Variants in NEK2 observed in about 807,000 individuals in gnomAD.
NEK2 encodes the protein NIMA related kinase 2.
In NEK2, 28 loss-of-function variants were observed where a neutral mutation model predicts 54.1. That is an observed-to-expected ratio of 0.52 (90% CI 0.38 to 0.71). NEK2 has a LOEUF of 0.71. Ranked by LOEUF, NEK2 falls within the 30% of genes least tolerant of loss-of-function variation. NEK2 has a pLI of 0.00. For missense variants in NEK2, 407 were observed against 531.5 expected (o/e 0.77, Z 2.30); for synonymous variants, 176 against 193.1 (o/e 0.91, Z 0.73).
intron 7 of NEK2, among the ~76,000 whole-genome samples, chr1:211,664,198 T>G (rs1473161349): frequency 6.6e-6 from 1 of 151,924 alleles, no homozygotes. Context: ...AAAAGGTAAA[T>G]CAAGTAAGAG....
chr1:211,660,584 G>A (rs1373292), downstream of NEK2: 90,691 of 635,852 alleles, frequency 0.14, 6,928 homozygotes, highest in African/African-American at 0.16. Flanking sequence ...GCATTGGTGT[G>A]TGCCTTCTCA....
intron 3 of NEK2, 104 bp from the exon 4 acceptor site, chr1:211,671,388 C>T (rs1427458638): frequency 1.3e-6 from 1 of 773,192 alleles, no homozygotes. Context: ...AACAGAACCT[C>T]AAAGTTTTTA....
intron 7 of NEK2, chr1:211,666,698 C>T: frequency 3.7e-6 from 1 of 272,328 alleles, no homozygotes; most frequent in Non-Finnish European, 5.6e-6. Context: ...ACTTGGGAGG[C>T]TGAGGCAGAA....
rs578118023 is a variant in NEK2 at position 211,675,253 on chromosome 1, C to G, written c.96+131G>C. On this transcript the variant is annotated intron_variant, in intron 1 of 7. Coordinates refer to ENST00000366999, the MANE Select transcript of NEK2 (RefSeq NM_002497.4). The stretch of plus-strand genomic sequence containing the variant: ...CAGGACAGGCTGTCAGATGCAGACC[C>G]AGGAAAGACGGTTTAGTCTTCCGGG... The G allele has an allele frequency of 3.4e-4, 269 of 780,510 alleles. 4 individuals carry two copies. In the South Asian group the frequency reaches 4.0e-3, roughly 12 times the overall value. The allele number at this position is 780,510 out of a possible 1,614,324, so 48.3% of individuals were successfully genotyped here.
intron 2 of NEK2, among the ~76,000 whole-genome samples, 154 bp from the exon 3 acceptor site, chr1:211,673,877 T>A (rs1380433363): frequency 3.9e-5 from 6 of 152,216 alleles, no homozygotes; most frequent in African/African-American, 1.4e-4. Flanking sequence ...CAGGCTGGAA[T>A]GCAGTGGCAC....
rs946521552 is a variant in NEK2 at position 211,675,278 on chromosome 1, G to GCACC, written c.96+102_96+105dup. ...CAGGAAAGACGGTTTAGTCTTCCGG[G>GCACC]CACCCATTTCCTCAGCCCTGTCGGT... is the stretch of plus-strand genomic sequence containing the variant. On this transcript the variant is annotated intron_variant, in intron 1 of 7. Coordinates refer to ENST00000366999, the MANE Select transcript of NEK2 (RefSeq NM_002497.4). 3 of 957,216 alleles carry GCACC rather than the reference G, an allele frequency of 3.1e-6. No homozygotes were observed. In the African/African-American group the frequency reaches 4.9e-5, roughly 16 times the overall value. 59.3% of individuals were successfully genotyped at this position (957,216 alleles called of 1,614,324 possible).
downstream of NEK2, chr1:211,660,221 G>A (rs1297358418): frequency 2.2e-4 from 72 of 326,450 alleles, no homozygotes; most frequent in Non-Finnish European, 3.1e-5. Flanking sequence ...TTGCACGCCA[G>A]CCCCAGAAAG....
At position 211,663,337 on chromosome 1, in the gene NEK2, C is replaced by G; in HGVS notation, c.*89G>C. On this transcript the variant is annotated 3_prime_UTR_variant, in exon 8 of 8. Coordinates refer to ENST00000366999, the MANE Select transcript of NEK2 (RefSeq NM_002497.4). ...TACAGAAAGGCATGGCTCATGGAAC[C>G]AAGTATTCAACACTACAGCATTTGA... 6.6e-7 allele frequency: 1 copy of G among 1,513,874 alleles called. No homozygotes were observed. The highest frequency in any genetic ancestry group is 1.3e-5 in the South Asian group (1 of 78,466). 93.8% of individuals were successfully genotyped at this position (1,513,874 alleles called of 1,614,324 possible).
chr1:211,671,181 A>C, intron 4 of NEK2, 21 bp downstream of exon 4: 1 of 1,580,216 alleles, frequency 6.3e-7, no homozygotes, highest in Non-Finnish European at 8.7e-7. Flanking sequence ...TAGACTAGGA[A>C]TCTGTCTTCA....
intron 4 of NEK2, 70 bp from the exon 5 acceptor site, chr1:211,670,477 GAACTAAATCAAA>G: frequency 1.3e-6 from 2 of 1,487,938 alleles, no homozygotes; most frequent in African/African-American, 2.8e-5. Flanking sequence ...TATACAATAG[GAACTAAATCAAA>G]AGCACAGCTT....
downstream of NEK2, chr1:211,660,784 A>G (rs987676008): frequency 4.6e-5 from 32 of 695,388 alleles, no homozygotes; most frequent in South Asian, 9.9e-5. Flanking sequence ...GAAGAGCTCA[A>G]TCAGGTTCAG....
In NEK2 at chr1:211,663,605, T is replaced by C. The variant is rs1165486612; in HGVS notation, c.1159A>G (p.Ser387Gly). 1 of 1,613,810 alleles carries C rather than the reference T, an allele frequency of 6.2e-7. No individual in the cohort carries two copies. The change falls in exon 8 of 8, where the codon AGT becomes GGT. Residue 387 changes from serine to glycine, a missense_variant. By Grantham distance (56) the Ser-to-Gly change is moderately conservative. Coordinates refer to ENST00000366999, the MANE Select transcript of NEK2 (RefSeq NM_002497.4). ...ATGATGTTCTCTTTACTTTCCCCAC[T>C]GAAATGAACTTTCTTCTTAATTACT... ...SSVIKKKVHFSGESKENIMRS... is the reference protein window; with the variant it reads ...SSVIKKKVHFGGESKENIMRS...
At position 211,663,488 on chromosome 1, in the gene NEK2, C is replaced by T. The variant is rs750553031; in HGVS notation, c.1276G>A (p.Ala426Thr). ...RLHAAQLRAQ[A>T]LSDIEKNYQL... ...TAATTTTTCTCAATATCTGACAGGGCTTGAGCCCGCAGCTGGGCAGCGTGA... is the reference window on the plus strand; with the variant it reads ...TAATTTTTCTCAATATCTGACAGGGTTTGAGCCCGCAGCTGGGCAGCGTGA... The change falls in exon 8 of 8, where the codon GCC becomes ACC. Residue 426 changes from alanine (A) to threonine (T), a missense_variant. Transcript: ENST00000366999. 2 of 1,613,932 alleles carry T rather than the reference C, an allele frequency of 1.2e-6. No homozygotes were observed. The highest frequency in any genetic ancestry group is 3.3e-5 in the Admixed American group (2 of 60,016).
Position 211,670,374 on chromosome 1 carries a change from G to A in NEK2, c.672C>T (p.Leu224=), listed in dbSNP as rs150725562. Residue 224 remains leucine, a synonymous_variant, in exon 5 of 8, where the codon CTC becomes CTT. Coordinates refer to ENST00000366999, the MANE Select transcript of NEK2 (RefSeq NM_002497.4). ...PPFTAFSQKE[L]AGKIREGKFR... is the part of the protein sequence containing the mutation. Reference sequence around the variant, plus strand: ...ATTTGCCTTCTCTGATTTTCCCAGCGAGTTCTTTCTGGCTAAAAGCTGTAA... The same window carrying A: ...ATTTGCCTTCTCTGATTTTCCCAGCAAGTTCTTTCTGGCTAAAAGCTGTAA... 1.3e-4 allele frequency: 212 copies of A among 1,613,498 alleles called. No homozygotes were observed. The highest frequency in any genetic ancestry group is 1.0e-3 in the African/African-American group (77 of 74,960).
intron 7 of NEK2, among the ~76,000 whole-genome samples, chr1:211,665,570 T>C (rs1224248698): frequency 6.6e-6 from 1 of 152,206 alleles, no homozygotes; most frequent in African/African-American, 2.4e-5. Flanking sequence ...TAAAATTTTC[T>C]CCTCATTTTA....
At chr1:211,671,136 TG>T (rs1362965891) in intron 4 of NEK2, 65 bp downstream of exon 4, 2 of 1,311,628 alleles carry the variant, frequency 1.5e-6, no homozygotes, top group African/African-American at 2.9e-5. Context: ...CTCAAAAAAC[TG>T]AACCCAGTGA....
At chr1:211,671,434 A>G in intron 3 of NEK2, 150 bp from the exon 4 acceptor site, 1 of 602,860 alleles carries the variant, frequency 1.7e-6, no homozygotes, top group Non-Finnish European at 2.9e-6. Context: ...AATGGAAAAA[A>G]GGCAATGATC....
At position 211,665,257 on chromosome 1, in the gene NEK2, T is replaced by C. The variant is rs148883604; in HGVS notation, c.1112-1605A>G. ...CCGCTCCCCACTGCTATGATGCTTA[T>C]CTTATAGCTCTGATGTGTTCACTAC... On this transcript the variant is annotated intron_variant, in intron 7 of 7. Coordinates refer to ENST00000366999, the MANE Select transcript of NEK2 (RefSeq NM_002497.4). Among the ~76,000 whole-genome samples the C allele has an allele frequency of 2.6e-5, 4 of 152,298 alleles. No homozygotes were observed. In the East Asian group the frequency reaches 7.7e-4, roughly 29 times the overall value.
At chr1:211,673,767 C>A in intron 2 of NEK2, 44 bp from the exon 3 acceptor site, 2 of 1,589,114 alleles carry the variant, frequency 1.3e-6, no homozygotes, top group South Asian at 1.1e-5. Flanking sequence ...CTAAAAAAAT[C>A]ATTGCCAAGA....
Sources: allele counts gnomAD v4.1 joint callset (sites outside exome capture counted in the v4.1 genomes callset), GRCh38; gene constraint gnomAD v4.1.1; transcripts MANE v1.5; gene names NCBI Gene and HGNC (gene_info 2026-07-23, HGNC 2026-07-21).